The following LIN28B variants were observed in gnomAD, a reference collection of about 807,000 sequenced individuals.
LIN28B encodes the protein lin-28 RNA binding posttranscriptional regulator B, also known as protein lin-28 homolog B.
In LIN28B, 5 loss-of-function variants were observed where a neutral mutation model predicts 21.9. That is an observed-to-expected ratio of 0.23 (90% confidence interval 0.12 to 0.48). LIN28B has a LOEUF of 0.48. Among genes scored for constraint, LIN28B ranks in the 20% least tolerant of loss-of-function variants. The probability of loss-of-function intolerance (pLI) is 0.98; values close to 1 mark genes in which losing one functional copy is unlikely to be tolerated. For missense variants in LIN28B, 245 were observed against 310.5 expected, an observed-to-expected ratio of 0.79 and a Z score of 1.58; for synonymous variants, 109 against 111.3, an observed-to-expected ratio of 0.98 and a Z score of 0.13.
At chr6:105,035,062 T>C (rs973031337) in intron 3 of LIN28B, among the ~76,000 whole-genome samples, 3 of 152,028 alleles carry the variant, frequency 2.0e-5, no homozygotes, top group Non-Finnish European at 4.4e-5. Context: ...ATTTGACATT[T>C]TTCCAGGTAC....
chr6:105,081,035 A>G lies in LIN28B; in HGVS notation c.*2252A>G, dbSNP rs1772533490. On this transcript the variant is annotated 3_prime_UTR_variant, in exon 4 of 4. Coordinates refer to ENST00000345080, the MANE Select transcript of LIN28B (RefSeq NM_001004317.4). ...CATCTTACCAGACTAAACTAAGAGC[A>G]CATACCAAACCTATCTTATGGTTGA... The G allele has an allele frequency of 6.5e-6, 1 of 152,766 alleles. No homozygotes were observed. The highest frequency in any genetic ancestry group is 2.1e-4 in the South Asian group (1 of 4,828). The allele number at this position is 152,766 out of a possible 1,614,324, so 9.5% of individuals were successfully genotyped here. A position where few individuals can be genotyped will look rare whatever the true frequency, so the allele number is the denominator to read the frequency against.
intron 3 of LIN28B, among the ~76,000 whole-genome samples, chr6:105,066,870 A>C (rs770929745): frequency 2.0e-4 from 30 of 152,186 alleles, no homozygotes; most frequent in Admixed American, 7.9e-4. Flanking sequence ...ATGTTATATT[A>C]ATAGATAAAA....
chr6:105,069,489 C>T (rs528653517), intron 3 of LIN28B, among the ~76,000 whole-genome samples: 2 of 152,010 alleles, frequency 1.3e-5, no homozygotes, highest in East Asian at 3.9e-4. Context: ...CTTTGGAGAA[C>T]CAAGGTGGGA....
At chr6:105,028,503 G>T (rs1771351533) in intron 3 of LIN28B, among the ~76,000 whole-genome samples, 2 of 152,118 alleles carry the variant, frequency 1.3e-5, no homozygotes, top group Admixed American at 1.3e-4. Context: ...CAAAAATTCT[G>T]ATATGTTTTG....
chr6:105,078,717 G>A lies in LIN28B; in HGVS notation c.687G>A (p.Lys229=), dbSNP rs1190922540. ...GRSPQEASST[K]SSIAPEEQSK... is the part of the protein sequence containing the mutation. ...CACCTCAAGAAGCTTCCTCCACGAA[G>A]TCATCTATAGCACCAGAAGAGCAAA... The change falls in exon 4 of 4, where the codon AAG becomes AAA. Residue 229 remains lysine, a synonymous_variant. Transcript: ENST00000345080. 5 of 1,613,966 alleles carry A rather than the reference G, an allele frequency of 3.1e-6. No individual in the cohort carries two copies. Among genetic ancestry groups the A allele is most frequent in the South Asian group, 2.2e-5 (2 of 91,080 alleles).
At chr6:105,009,883 A>G (rs1297053445) in intron 2 of LIN28B, among the ~76,000 whole-genome samples, 2 of 152,150 alleles carry the variant, frequency 1.3e-5, no homozygotes, top group Admixed American at 1.3e-4. Context: ...ATAATTCCGC[A>G]GATTCACTTC....
At chr6:105,000,246 A>C (rs1030384876) in intron 2 of LIN28B, among the ~76,000 whole-genome samples, 3 of 152,186 alleles carry the variant, frequency 2.0e-5, no homozygotes, top group Non-Finnish European at 4.4e-5. Flanking sequence ...CCATGTTTAA[A>C]AAAACAGTTA....
At chr6:104,991,895 C>A (rs1346233957) in intron 2 of LIN28B, among the ~76,000 whole-genome samples, 1 of 152,026 alleles carries the variant, frequency 6.6e-6, no homozygotes, top group Non-Finnish European at 1.5e-5. Flanking sequence ...CCTGCAATCG[C>A]AGGCACTCGC....
intron 2 of LIN28B, among the ~76,000 whole-genome samples, chr6:104,937,277 G>T (rs1183782516): frequency 6.6e-6 from 1 of 152,068 alleles, no homozygotes; most frequent in African/African-American, 2.4e-5. Context: ...GCAACCGCGG[G>T]CGCGCGCCAC....
chr6:105,022,149 G>A lies in LIN28B; in HGVS notation c.199-4149G>A, dbSNP rs181158908. Among the ~76,000 whole-genome samples, 242 of 151,888 alleles carry A rather than the reference G, an allele frequency of 1.6e-3. 4 individuals are homozygous for A. The highest frequency in any genetic ancestry group is 0.015 in the Admixed American group (235 of 15,290). On this transcript the variant is annotated intron_variant, in intron 2 of 3. Coordinates refer to ENST00000345080, the MANE Select transcript of LIN28B (RefSeq NM_001004317.4). ...GGGACTTAACAGGCTAAGATTTATT[G>A]AGAGAGAATGTGCAGGTATGGAAGA...
At chr6:104,996,578 A>T (rs144168965) in intron 2 of LIN28B, among the ~76,000 whole-genome samples, 1,535 of 152,332 alleles carry the variant, frequency 0.01, 12 homozygotes, top group Admixed American at 0.016. Context: ...GAAGTGCTCT[A>T]GTAAGTCTGT....
intron 3 of LIN28B, among the ~76,000 whole-genome samples, chr6:105,066,718 A>G (rs1252932920): frequency 1.3e-5 from 2 of 152,094 alleles, no homozygotes; most frequent in Non-Finnish European, 2.9e-5. Flanking sequence ...TCTAGATAAC[A>G]AATTATTGCC....
intron 3 of LIN28B, among the ~76,000 whole-genome samples, chr6:105,062,953 G>A (rs1054525076): frequency 1.5e-4 from 22 of 151,710 alleles, no homozygotes; most frequent in African/African-American, 5.3e-4. Flanking sequence ...CTTATGTATG[G>A]TTTCTTATGT....
intron 2 of LIN28B, among the ~76,000 whole-genome samples, chr6:105,015,217 C>A (rs1449998430): frequency 6.6e-6 from 1 of 152,080 alleles, no homozygotes; most frequent in Non-Finnish European, 1.5e-5. Context: ...TGTTACTGGG[C>A]ACATACACAT....
At chr6:104,950,586 G>A (rs1259822094) in intron 3 of LIN28B, 8 of 783,584 alleles carry the variant, frequency 1.0e-5, no homozygotes, top group East Asian at 6.8e-5. Flanking sequence ...AGGCATATGA[G>A]AACCTGACAG....
chr6:104,967,448 G>T (rs1769884624), intron 2 of LIN28B, among the ~76,000 whole-genome samples: 1 of 151,380 alleles, frequency 6.6e-6, no homozygotes, highest in Non-Finnish European at 1.5e-5. Context: ...AGGCCTGGTG[G>T]CACATGCTTG....
In LIN28B at chr6:105,034,178, A is replaced by C. The variant is rs557028946; in HGVS notation, c.383+7696A>C. ...TGGTTTCTTTTTTTACCTCCTTTTT[A>C]AATTCCGATTTTTTTAGAGTAGTGA... is the stretch of plus-strand genomic sequence containing the variant. On this transcript the variant is annotated intron_variant, in intron 3 of 3. Transcript: ENST00000345080. Among the ~76,000 whole-genome samples, 2 of 151,942 alleles carry C rather than the reference A, an allele frequency of 1.3e-5. 1 individual carries two copies. Among genetic ancestry groups the C allele is most frequent in the South Asian group, 4.2e-4 (2 of 4,818 alleles).
At chr6:104,997,296 GAAAAGA>G (rs1562086731) in intron 2 of LIN28B, among the ~76,000 whole-genome samples, 1 of 123,458 alleles carries the variant, frequency 8.1e-6, no homozygotes, top group African/African-American at 3.0e-5. Context: ...AAAAAAAAAA[GAAAAGA>G]AAAAGAAAAG....
intron 2 of LIN28B, among the ~76,000 whole-genome samples, chr6:104,990,996 A>C (rs1429407921): frequency 2.0e-5 from 3 of 152,210 alleles, no homozygotes; most frequent in Non-Finnish European, 4.4e-5. Flanking sequence ...TGATTTCTCT[A>C]TCTTTTCCCC....
Sources: gnomAD v4.1 joint callset for allele counts (sites outside exome capture counted in the v4.1 genomes callset) on GRCh38, gnomAD v4.1.1 for gene constraint, MANE v1.5 for transcripts, NCBI Gene and HGNC (gene_info 2026-07-23, HGNC 2026-07-21) for gene names.